The following SRGAP1 variants were observed in gnomAD, a reference collection of about 807,000 sequenced individuals.
The protein encoded by SRGAP1 is SLIT-ROBO Rho GTPase-activating protein 1.
A neutral mutation model predicts 121.9 loss-of-function variants in SRGAP1; 43 were observed. The ratio of observed to expected loss-of-function variants is 0.35; its 90% CI spans 0.28 to 0.46. SRGAP1 has a LOEUF of 0.46. Among genes scored for constraint, SRGAP1 ranks in the 20% least tolerant of loss-of-function variants. SRGAP1 has a pLI of 1.00. For synonymous variants in SRGAP1, 447 were observed against 485.4 expected (o/e 0.92, Z 1.04); for missense variants, 1,102 against 1,350.9 (o/e 0.82, Z 2.89).
intron 1 of SRGAP1, among the ~76,000 whole-genome samples, chr12:63,921,981 CTT>C (rs745306989): frequency 7.7e-5 from 11 of 143,550 alleles, no homozygotes; most frequent in Non-Finnish European, 6.1e-5. Flanking sequence ...TGATTTCTTT[CTT>C]TTTTTTTTTT....
intron 1 of SRGAP1, among the ~76,000 whole-genome samples, chr12:63,852,973 G>A (rs1273058475): frequency 6.6e-6 from 1 of 151,434 alleles, no homozygotes; most frequent in Non-Finnish European, 1.5e-5. Flanking sequence ...AAATAAGCAT[G>A]GTGATCATTC....
intron 16 of SRGAP1, among the ~76,000 whole-genome samples, chr12:64,111,527 A>G (rs992986142): frequency 6.6e-6 from 1 of 152,156 alleles, no homozygotes; most frequent in East Asian, 1.9e-4. Flanking sequence ...TGAATATTAT[A>G]TTAAACCCCC....
intron 1 of SRGAP1, among the ~76,000 whole-genome samples, chr12:63,850,589 CCTGG>C (rs1185335132): frequency 6.8e-6 from 1 of 148,000 alleles, no homozygotes; most frequent in Non-Finnish European, 1.5e-5. Flanking sequence ...CACCACCATA[CCTGG>C]CTATTTTTTT....
chr12:64,128,519 C>T (rs2036736346), intron 21 of SRGAP1, among the ~76,000 whole-genome samples: 2 of 152,134 alleles, frequency 1.3e-5, no homozygotes, highest in Admixed American at 6.5e-5. Flanking sequence ...AGCAGTGGCC[C>T]TGCCAGATCC....
In SRGAP1 at chr12:64,079,183, T is replaced by A. The variant is rs565752923; in HGVS notation, c.1323+67T>A. On this transcript the variant is annotated intron_variant, in intron 9 of 21. Coordinates refer to ENST00000355086, the MANE Select transcript of SRGAP1 (RefSeq NM_020762.4). The stretch of plus-strand genomic sequence containing the variant: ...CTAGGATTCCCAAGTGCCACTTCTA[T>A]AGTCACATCAGAACCATCTGGGGTT... 1,106 of 1,564,210 alleles carry A rather than the reference T, an allele frequency of 7.1e-4. 7 individuals carry two copies. The highest frequency in any genetic ancestry group is 2.2e-4 in the Non-Finnish European group (255 of 1,140,782).
At chr12:64,031,779 T>C (rs1269276714) in intron 4 of SRGAP1, among the ~76,000 whole-genome samples, 1 of 152,200 alleles carries the variant, frequency 6.6e-6, no homozygotes, top group Admixed American at 6.5e-5. Context: ...TTGTACTTTG[T>C]CTTTCATCCT....
At chr12:63,879,474 T>C (rs956231761) in intron 1 of SRGAP1, 1 of 152,046 alleles carries the variant, frequency 6.6e-6, no homozygotes, top group African/African-American at 2.4e-5. Context: ...TGAATTAATA[T>C]TAAAAAAGAA....
chr12:63,953,546 G>C (rs1265192075), intron 1 of SRGAP1, among the ~76,000 whole-genome samples: 1 of 151,532 alleles, frequency 6.6e-6, no homozygotes, highest in Non-Finnish European at 1.5e-5. Context: ...GAGACTATAG[G>C]CATGCACCAC....
At chr12:63,898,245 A>G (rs2136303426) in intron 1 of SRGAP1, among the ~76,000 whole-genome samples, 1 of 152,354 alleles carries the variant, frequency 6.6e-6, no homozygotes, top group African/African-American at 2.4e-5. Context: ...AAGGCTTTTA[A>G]TTCATTCAGA....
rs574871560 is a variant in SRGAP1, at chr12:64,058,157, G to T, written c.802-4760G>T. ...TTTGTCACAGTCCTCCATACAGATGGTCCTCAACTTACACTGGTTCAACTT... is the reference window on the plus strand; with the variant it reads ...TTTGTCACAGTCCTCCATACAGATGTTCCTCAACTTACACTGGTTCAACTT... On this transcript the variant is annotated intron_variant, in intron 6 of 21. Coordinates refer to ENST00000355086, the MANE Select transcript of SRGAP1 (RefSeq NM_020762.4). 5.3e-5 allele frequency among the ~76,000 whole-genome samples: 8 copies of T among 152,222 alleles called. No homozygotes were observed. In the South Asian group the frequency reaches 1.7e-3, roughly 32 times the overall value.
intron 3 of SRGAP1, among the ~76,000 whole-genome samples, chr12:63,992,660 T>TACACACACACACACACACACAC (rs59798383): frequency 7.2e-5 from 10 of 138,496 alleles, no homozygotes; most frequent in African/African-American, 2.5e-4. Context: ...GCACAGTAAA[T>TACACACACACACACACACACAC]ACACACACAC....
chr12:64,032,410 A>C lies in SRGAP1; in HGVS notation c.490-10380A>C, dbSNP rs936572922. 1.3e-4 allele frequency: 76 copies of C among 595,302 alleles called. 1 individual carries two copies. Among genetic ancestry groups the C allele is most frequent in the Middle Eastern group, 4.2e-4 (1 of 2,382 alleles). The allele number at this position is 595,302 out of a possible 1,614,324, so 36.9% of individuals were successfully genotyped here. ...TACAAATAGTTAAAAACTCTGCCTCATCAGTCAGATCTCTGGGCTGAGAGA... is the reference window on the plus strand; with the variant it reads ...TACAAATAGTTAAAAACTCTGCCTCCTCAGTCAGATCTCTGGGCTGAGAGA... On this transcript the variant is annotated intron_variant, in intron 4 of 21. Coordinates refer to ENST00000355086, the MANE Select transcript of SRGAP1 (RefSeq NM_020762.4).
intron 21 of SRGAP1, among the ~76,000 whole-genome samples, chr12:64,141,272 TAAAAAAA>T (rs977006357): frequency 3.9e-4 from 19 of 48,216 alleles, no homozygotes; most frequent in Non-Finnish European, 7.6e-4. Flanking sequence ...TAAAGTATAA[TAAAAAAA>T]AAAAAAAAAA....
At chr12:64,122,659 G>A (rs553604088) in intron 18 of SRGAP1, among the ~76,000 whole-genome samples, 1 of 152,244 alleles carries the variant, frequency 6.6e-6, no homozygotes, top group South Asian at 2.1e-4. Flanking sequence ...CAGCACTTTG[G>A]GAGGCCGAGG....
chr12:64,080,458 G>T (rs1306193306), intron 10 of SRGAP1, 88 bp downstream of exon 10: 1 of 1,169,130 alleles, frequency 8.6e-7, no homozygotes, highest in Non-Finnish European at 1.3e-6. Flanking sequence ...TTGTATATTT[G>T]TGCTTTAAGA....
At chr12:63,851,631 A>G (rs1272753382) in intron 1 of SRGAP1, among the ~76,000 whole-genome samples, 1 of 147,688 alleles carries the variant, frequency 6.8e-6, no homozygotes, top group South Asian at 2.1e-4. Context: ...TCTGTCACCC[A>G]GGCTGGAGTG....
intron 3 of SRGAP1, among the ~76,000 whole-genome samples, chr12:64,009,339 T>C (rs1320704402): frequency 1.3e-5 from 2 of 152,148 alleles, no homozygotes; most frequent in African/African-American, 2.4e-5. Flanking sequence ...TTTATCAGCA[T>C]TTTGAGTAGA....
At chr12:63,910,714 C>T (rs555064314) in intron 1 of SRGAP1, among the ~76,000 whole-genome samples, 1 of 152,258 alleles carries the variant, frequency 6.6e-6, no homozygotes, top group South Asian at 2.1e-4. Flanking sequence ...GTTTGTTGCT[C>T]GTGGTTATAG....
At chr12:64,049,016 A>G (rs1346125205) in intron 6 of SRGAP1, among the ~76,000 whole-genome samples, 1 of 151,910 alleles carries the variant, frequency 6.6e-6, no homozygotes, top group Non-Finnish European at 1.5e-5. Flanking sequence ...ATGTGTTTCC[A>G]TTTGTTCATT....
Sources: allele counts gnomAD v4.1 joint callset (sites outside exome capture counted in the v4.1 genomes callset), GRCh38; gene constraint gnomAD v4.1.1; transcripts MANE v1.5; gene names NCBI Gene and HGNC (gene_info 2026-07-23, HGNC 2026-07-21).